The following HOOK3 variants were observed in gnomAD, a reference collection of about 807,000 sequenced individuals.
The protein encoded by HOOK3 is hook microtubule tethering protein 3, also known as protein Hook homolog 3.
A neutral mutation model predicts 116.3 loss-of-function variants in HOOK3; 24 were observed. That is an observed-to-expected ratio of 0.21 (90% confidence interval 0.15 to 0.29). HOOK3 has a LOEUF of 0.29. Among genes scored for constraint, HOOK3 ranks in the 10% least tolerant of loss-of-function variants. The pLI is 1.00. For missense variants in HOOK3, 632 were observed against 830.2 expected (o/e 0.76, Z 2.93); for synonymous variants, 275 against 283.0 (o/e 0.97, Z 0.28).
At chr8:42,915,046 G>T (rs950207128) in intron 2 of HOOK3, among the ~76,000 whole-genome samples, 7 of 152,136 alleles carry the variant, frequency 4.6e-5, no homozygotes, top group Non-Finnish European at 8.8e-5. Context: ...TTAGATACTA[G>T]GGAAGTTTAA....
At chr8:42,911,829 C>A (rs938481922) in intron 2 of HOOK3, among the ~76,000 whole-genome samples, 2 of 152,172 alleles carry the variant, frequency 1.3e-5, no homozygotes, top group African/African-American at 4.8e-5. Flanking sequence ...GAAAGAAGAT[C>A]TGCTGTGGAA....
At chr8:42,971,606 CTTCT>C (rs1808729088) in intron 11 of HOOK3, among the ~76,000 whole-genome samples, 1 of 151,878 alleles carries the variant, frequency 6.6e-6, no homozygotes. Context: ...ATCTACAAGC[CTTCT>C]TTGTGTGCTT....
At chr8:42,950,695 T>G (rs1808322400) in intron 6 of HOOK3, among the ~76,000 whole-genome samples, 1 of 152,128 alleles carries the variant, frequency 6.6e-6, no homozygotes, top group South Asian at 2.1e-4. Flanking sequence ...CCTAAATTTT[T>G]TTTTTTTTGA....
chr8:42,984,809 C>G (rs1554514449), intron 14 of HOOK3, among the ~76,000 whole-genome samples: 2 of 151,910 alleles, frequency 1.3e-5, no homozygotes, highest in Admixed American at 1.3e-4. Context: ...GAAACTGAGG[C>G]ACGAGAATCA....
At chr8:42,919,062 G>A (rs1393464144) in intron 2 of HOOK3, among the ~76,000 whole-genome samples, 2 of 146,104 alleles carry the variant, frequency 1.4e-5, no homozygotes, top group Non-Finnish European at 3.0e-5. Flanking sequence ...CCCACCTCCC[G>A]GACGGGGCGG....
In HOOK3 at chr8:42,968,789, A is replaced by T. The variant is rs1467877377; in HGVS notation, c.1122+575A>T. ...CAAATGTAAAAGCATAGTTCAGTAA[A>T]TATTCATGCTTGAATAAAACATGCT... On this transcript the variant is annotated intron_variant, in intron 11 of 21. Coordinates refer to ENST00000307602, the MANE Select transcript of HOOK3 (RefSeq NM_032410.4). Among the ~76,000 whole-genome samples, 3 of 152,216 alleles carry T rather than the reference A, an allele frequency of 2.0e-5. No homozygotes were observed. In the East Asian group the frequency reaches 5.8e-4, roughly 29 times the overall value.
At position 43,005,199 on chromosome 8, in the gene HOOK3, C is replaced by CTATATA. The variant is rs59181434; in HGVS notation, c.1656-2639_1656-2634dup. The stretch of plus-strand genomic sequence containing the variant: ...TTAAGTGCTCTCTCTCTCTCTCTCT[C>CTATATA]TATATATATATATAATTTTTTTTTT... On this transcript the variant is annotated intron_variant, in intron 17 of 21. Coordinates refer to ENST00000307602, the MANE Select transcript of HOOK3 (RefSeq NM_032410.4). Among the ~76,000 whole-genome samples, 876 of 95,210 alleles carry CTATATA rather than the reference C, an allele frequency of 9.2e-3. 7 individuals are homozygous for CTATATA. Among genetic ancestry groups the CTATATA allele is most frequent in the African/African-American group, 0.012 (313 of 25,700 alleles). 62.5% of individuals were successfully genotyped at this position (95,210 alleles called of 152,430 possible).
intron 5 of HOOK3, among the ~76,000 whole-genome samples, chr8:42,948,048 T>G (rs558238492): frequency 1.3e-5 from 2 of 152,210 alleles, no homozygotes; most frequent in South Asian, 2.1e-4. Flanking sequence ...AAAACAAAGA[T>G]TAGTAGTAGA....
intron 6 of HOOK3, 84 bp downstream of exon 6, chr8:42,950,539 G>C: frequency 2.7e-6 from 2 of 752,928 alleles, no homozygotes; most frequent in Non-Finnish European, 4.5e-6. Flanking sequence ...AAAATTTTAA[G>C]AGATTCTCCT....
Position 42,968,204 on chromosome 8 carries a change from A to G in HOOK3, c.1112A>G (p.Tyr371Cys), listed in dbSNP as rs1364799235. The change falls in exon 11 of 22, where the codon TAC (tyrosine) becomes TGC (cysteine). Residue 371 changes from tyrosine to cysteine, a missense_variant. Physicochemically the swap from Tyr to Cys is radical, Grantham distance 194 (BLOSUM62 -2). Around this residue, in one of 3 missense-constraint regions of HOOK3, gnomAD observed 483 missense variants for 648.1 expected, o/e 0.75. Coordinates refer to ENST00000307602, the MANE Select transcript of HOOK3 (RefSeq NM_032410.4). The stretch of plus-strand genomic sequence containing the variant: ...GCAGCGCGAAGTCAACTTGAAACCT[A>G]CAAGAGACAGGTAAAAGAAACACAG... The part of the protein sequence containing the change: ...ANAARSQLET[Y>C]KRQVVELQNR... The G allele has an allele frequency of 5.6e-6, 9 of 1,611,738 alleles. No individual in the cohort carries two copies. The highest frequency in any genetic ancestry group is 4.0e-5 in the African/African-American group (3 of 74,832).
At position 43,028,624 on chromosome 8, in the gene HOOK3, T is replaced by G. The variant is rs924110152; in HGVS notation, c.*10126T>G. ...TTATTAACTTGTATTATGAATCAAA[T>G]TAAGTTTTATGTATAAGGCATTTAC... On this transcript the variant is annotated 3_prime_UTR_variant, in exon 22 of 22. Coordinates refer to ENST00000307602, the MANE Select transcript of HOOK3 (RefSeq NM_032410.4). 5.2e-6 allele frequency: 1 copy of G among 190,824 alleles called. No individual in the cohort carries two copies. Among genetic ancestry groups the G allele is most frequent in the African/African-American group, 2.3e-5 (1 of 42,936 alleles). 11.8% of individuals were successfully genotyped at this position (190,824 alleles called of 1,614,324 possible). A position where few individuals can be genotyped will look rare whatever the true frequency, so the allele number is the denominator to read the frequency against.
chr8:42,910,801 G>A (rs1175329945), intron 2 of HOOK3, among the ~76,000 whole-genome samples: 1 of 152,204 alleles, frequency 6.6e-6, no homozygotes, highest in Non-Finnish European at 1.5e-5. Flanking sequence ...TCCACCCTCA[G>A]GAGGTTGGTA....
intron 2 of HOOK3, among the ~76,000 whole-genome samples, chr8:42,918,433 T>A (rs1015606732): frequency 2.6e-5 from 4 of 152,158 alleles, no homozygotes; most frequent in East Asian, 1.9e-4. Flanking sequence ...TTTTTTTAAA[T>A]TTTTTTAGTA....
At chr8:43,014,992 C>G (rs577996155) in intron 21 of HOOK3, among the ~76,000 whole-genome samples, 1 of 151,342 alleles carries the variant, frequency 6.6e-6, no homozygotes. Flanking sequence ...ACTAAAAATA[C>G]AAAAATTAGC....
chr8:42,943,671 C>A (rs1011230758), intron 5 of HOOK3, among the ~76,000 whole-genome samples: 3 of 152,040 alleles, frequency 2.0e-5, no homozygotes, highest in Non-Finnish European at 2.9e-5. Flanking sequence ...TTGTGCAATA[C>A]CACATAATTC....
chr8:42,990,828 G>A (rs1237049020), intron 15 of HOOK3, among the ~76,000 whole-genome samples: 1 of 152,126 alleles, frequency 6.6e-6, no homozygotes, highest in East Asian at 1.9e-4. Flanking sequence ...TTAACTTGAT[G>A]TGATCCCATT....
At chr8:42,942,290 G>A (rs1808142573) in intron 4 of HOOK3, among the ~76,000 whole-genome samples, 1 of 152,094 alleles carries the variant, frequency 6.6e-6, no homozygotes, top group African/African-American at 2.4e-5. Context: ...TACCAGTCCC[G>A]CTCCTCCAAA....
intron 8 of HOOK3, among the ~76,000 whole-genome samples, chr8:42,962,502 A>G (rs1246173026): frequency 7.6e-5 from 11 of 144,254 alleles, no homozygotes; most frequent in Admixed American, 6.3e-4. Context: ...GACCTCTTGG[A>G]CTCGAGTGAT....
At chr8:42,971,847 A>C (rs890664588) in intron 11 of HOOK3, among the ~76,000 whole-genome samples, 1 of 151,874 alleles carries the variant, frequency 6.6e-6, no homozygotes, top group Non-Finnish European at 1.5e-5. Context: ...AGCCCGGCTA[A>C]ATTTTCATAT....
Sources: allele counts gnomAD v4.1 joint callset (sites outside exome capture counted in the v4.1 genomes callset), GRCh38; gene constraint gnomAD v4.1.1; regional missense constraint gnomAD v4.1.1; transcripts MANE v1.5; gene names NCBI Gene and HGNC (gene_info 2026-07-23, HGNC 2026-07-21).